UST: variants seen among roughly 807,000 people sequenced by gnomAD.
The protein encoded by UST is chondroitin sulfate 2-O-sulfotransferase.
In UST, 21 loss-of-function variants were observed where a neutral mutation model predicts 45.6. That is an observed-to-expected ratio of 0.46 (90% CI 0.33 to 0.66). The LOEUF (loss-of-function observed/expected upper bound fraction) is 0.66. Among genes scored for constraint, UST ranks in the 30% least tolerant of loss-of-function variants. The pLI, the probability that UST is intolerant of heterozygous loss-of-function variation, is 0.02. For synonymous variants in UST, 215 were observed against 200.6 expected (o/e 1.07, Z -0.61); for missense variants, 463 against 512.4 (o/e 0.90, Z 0.93).
At chr6:148,884,557 C>T (rs1156430306) in intron 1 of UST, among the ~76,000 whole-genome samples, 2 of 152,082 alleles carry the variant, frequency 1.3e-5, no homozygotes, top group African/African-American at 2.4e-5. Context: ...TGCTCTGAAC[C>T]ACAGAGAAGG....
intron 1 of UST, among the ~76,000 whole-genome samples, chr6:148,871,162 CTCTCTGT>C (rs1562283658): frequency 4.6e-5 from 7 of 151,588 alleles, no homozygotes; most frequent in South Asian, 2.1e-4. Context: ...CTCCCTCTCT[CTCTCTGT>C]CCTTCTCTCT....
At position 148,883,395 on chromosome 6, in the gene UST, G is replaced by A. The variant is rs555580276; in HGVS notation, c.248-3591G>A. Among the ~76,000 whole-genome samples the A allele has an allele frequency of 1.3e-4, 20 of 152,310 alleles. No individual in the cohort carries two copies. In the South Asian group the frequency reaches 3.9e-3, roughly 30 times the overall value. On this transcript the variant is annotated intron_variant, in intron 1 of 7. Coordinates refer to ENST00000367463, the MANE Select transcript of UST (RefSeq NM_005715.3). ...GCTTGGAGTTTGAGGAAGCAATCAG[G>A]CATTTAAATCATTCTTTTTAGGAGT...
intron 5 of UST, among the ~76,000 whole-genome samples, chr6:149,003,468 C>G (rs1015285923): frequency 6.6e-6 from 1 of 151,668 alleles, no homozygotes; most frequent in African/African-American, 2.4e-5. Context: ...ATTAAGGCAC[C>G]TAGTAGTTTT....
At chr6:148,928,245 TTAAC>T (rs1314164573) in intron 2 of UST, among the ~76,000 whole-genome samples, 3 of 152,266 alleles carry the variant, frequency 2.0e-5, no homozygotes, top group African/African-American at 7.2e-5. Flanking sequence ...ATTTGTTTCT[TTAAC>T]TAAACTCTCC....
chr6:149,004,519 C>A (rs138027414), intron 5 of UST, among the ~76,000 whole-genome samples: 1 of 152,284 alleles, frequency 6.6e-6, no homozygotes, highest in South Asian at 2.1e-4. Context: ...CAGGAAGGGG[C>A]CCCAAATCCA....
intron 7 of UST, among the ~76,000 whole-genome samples, chr6:149,063,748 G>A (rs1279215431): frequency 6.6e-6 from 1 of 152,194 alleles, no homozygotes; most frequent in Non-Finnish European, 1.5e-5. Context: ...CAAGAAGCCT[G>A]TACAGAGGAG....
At position 148,999,449 on chromosome 6, in the gene UST, A is replaced by T. The variant is rs115588546; in HGVS notation, c.682-19690A>T. The stretch of plus-strand genomic sequence containing the variant: ...CTGATACAGAATATGTAGAACAAAG[A>T]TTATAACTTTTTATATTCATGGCAT... On this transcript the variant is annotated intron_variant, in intron 5 of 7. Coordinates refer to ENST00000367463, the MANE Select transcript of UST (RefSeq NM_005715.3). Among the ~76,000 whole-genome samples, 3 of 152,230 alleles carry T rather than the reference A, an allele frequency of 2.0e-5. No individual in the cohort carries two copies. In the South Asian group the frequency reaches 6.2e-4, roughly 31 times the overall value.
At chr6:148,888,144 G>A (rs1271919155) in intron 2 of UST, among the ~76,000 whole-genome samples, 1 of 152,160 alleles carries the variant, frequency 6.6e-6, no homozygotes, top group Non-Finnish European at 1.5e-5. Context: ...TTTCAATCAT[G>A]GTGGAAGGCA....
At chr6:149,056,117 CTTTTTTT>C (rs34191810) in intron 7 of UST, among the ~76,000 whole-genome samples, 12 of 81,066 alleles carry the variant, frequency 1.5e-4, no homozygotes, top group East Asian at 3.7e-4. Context: ...CTTTTCTTTT[CTTTTTTT>C]TTTTTTTTTT....
chr6:148,941,139 C>A, intron 2 of UST, 140 bp from the exon 3 acceptor site: 1 of 935,258 alleles, frequency 1.1e-6, no homozygotes, highest in Non-Finnish European at 1.6e-6. Flanking sequence ...AACTGATATA[C>A]ATCCTTTTTA....
At chr6:148,968,866 A>C (rs1780858769) in intron 5 of UST, among the ~76,000 whole-genome samples, 1 of 152,246 alleles carries the variant, frequency 6.6e-6, no homozygotes, top group Non-Finnish European at 1.5e-5. Context: ...ATAGGAAGAA[A>C]AGGGAGAAAA....
At chr6:149,042,979 CTT>C (rs1443552765) in intron 7 of UST, among the ~76,000 whole-genome samples, 1 of 114,236 alleles carries the variant, frequency 8.8e-6, no homozygotes, top group South Asian at 2.7e-4. Context: ...TTCTTTCTTT[CTT>C]TCTTTCTTTC....
intron 5 of UST, among the ~76,000 whole-genome samples, chr6:148,976,979 G>GT (rs1350241169): frequency 1.3e-5 from 2 of 151,966 alleles, no homozygotes; most frequent in East Asian, 3.8e-4. Context: ...GTCTTCTAGA[G>GT]TTTTGTTGTT....
chr6:148,884,048 G>T (rs1280973818), intron 1 of UST, among the ~76,000 whole-genome samples: 2 of 151,102 alleles, frequency 1.3e-5, no homozygotes, highest in African/African-American at 4.9e-5. Flanking sequence ...CAGGAGAATC[G>T]CTTGAACCCG....
intron 5 of UST, among the ~76,000 whole-genome samples, chr6:148,971,476 T>TAGGCTGC (rs1258637734): frequency 6.6e-6 from 1 of 152,092 alleles, no homozygotes; most frequent in African/African-American, 2.4e-5. Context: ...ATGTAGGATG[T>TAGGCTGC]AGGCTGCATC....
intron 1 of UST, among the ~76,000 whole-genome samples, chr6:148,763,481 T>C (rs973863062): frequency 2.6e-5 from 4 of 152,230 alleles, no homozygotes; most frequent in African/African-American, 7.2e-5. Context: ...CTGTTGATTC[T>C]TTCTTTGCTG....
chr6:148,792,116 TG>T (rs1356393159), intron 1 of UST, among the ~76,000 whole-genome samples: 1 of 152,160 alleles, frequency 6.6e-6, no homozygotes, highest in Non-Finnish European at 1.5e-5. Context: ...AAGGATGAGA[TG>T]GATGTCTCTC....
chr6:149,024,572 T>G (rs545931137), intron 7 of UST, among the ~76,000 whole-genome samples: 1 of 152,290 alleles, frequency 6.6e-6, no homozygotes, highest in East Asian at 1.9e-4. Flanking sequence ...GGCCAGTTTC[T>G]CAATATATTT....
chr6:148,857,583 A>T (rs909414382), intron 1 of UST, among the ~76,000 whole-genome samples: 8 of 152,162 alleles, frequency 5.3e-5, no homozygotes, highest in African/African-American at 1.9e-4. Flanking sequence ...TGAGGAAAAG[A>T]GACTCAGAAA....
Sources: gnomAD v4.1 joint callset for allele counts (sites outside exome capture counted in the v4.1 genomes callset) on GRCh38, gnomAD v4.1.1 for gene constraint, MANE v1.5 for transcripts, NCBI Gene and HGNC (gene_info 2026-07-23, HGNC 2026-07-21) for gene names.